Variants in CCDC150 observed in about 807,000 individuals in gnomAD.
CCDC150 encodes coiled-coil domain-containing protein 150.
A neutral mutation model predicts 156.5 loss-of-function variants in CCDC150; 151 were observed. That is an observed-to-expected ratio of 0.97 (90% confidence interval 0.85 to 1.10). CCDC150 has a LOEUF of 1.10. Among genes scored for constraint, CCDC150 ranks in the 50% least tolerant of loss-of-function variants. CCDC150 has a pLI of 0.00. For missense variants in CCDC150, 1,312 were observed against 1,268.1 expected, an observed-to-expected ratio of 1.03 and a Z score of -0.53; for synonymous variants, 452 against 429.4, an observed-to-expected ratio of 1.05 and a Z score of -0.65.
chr2:196,684,189 G>A (rs997508692), intron 13 of CCDC150, among the ~76,000 whole-genome samples: 3 of 152,058 alleles, frequency 2.0e-5, no homozygotes, highest in Non-Finnish European at 4.4e-5. Context: ...AGTTTCTGCA[G>A]CTATAAATTT....
chr2:196,677,363 T>G lies in CCDC150; in HGVS notation c.1509+2T>G, dbSNP rs567747022. 9.2e-6 allele frequency: 14 copies of G among 1,518,704 alleles called. No homozygotes were observed. Among genetic ancestry groups the G allele is most frequent in the Non-Finnish European group, 1.3e-5 (14 of 1,114,224 alleles). The allele number at this position is 1,518,704 out of a possible 1,614,324, so 94.1% of individuals were successfully genotyped here. The stretch of plus-strand genomic sequence containing the variant: ...GAAAAGGAATTAGCTAAAAACAAGG[T>G]ATTCTTCATTTTACTTACTGATATT... On this transcript the variant is annotated splice_donor_variant, in intron 13 of 27. Transcript: ENST00000389175. LOFTEE classifies it high-confidence loss of function.
intron 6 of CCDC150, among the ~76,000 whole-genome samples, chr2:196,665,889 T>C (rs929575565): frequency 6.6e-6 from 1 of 152,184 alleles, no homozygotes; most frequent in Non-Finnish European, 1.5e-5. Context: ...TTCAACACTC[T>C]TAATTTATGA....
chr2:196,712,015 ATTT>A (rs200886098), intron 15 of CCDC150, 127 bp from the exon 16 acceptor site: 1,242 of 267,162 alleles, frequency 4.6e-3, no homozygotes, highest in East Asian at 5.5e-3. Context: ...ATTCTCTGTA[ATTT>A]TTTTTTTTTT....
At chr2:196,715,308 T>C (rs1384418565) in intron 17 of CCDC150, among the ~76,000 whole-genome samples, 4 of 152,150 alleles carry the variant, frequency 2.6e-5, no homozygotes, top group African/African-American at 7.2e-5. Context: ...GCAATACTGC[T>C]TCAAGATATA....
intron 1 of CCDC150, among the ~76,000 whole-genome samples, chr2:196,641,658 G>A (rs1281337571): frequency 3.9e-5 from 6 of 152,082 alleles, no homozygotes; most frequent in African/African-American, 9.7e-5. Context: ...AGTTTTGTTC[G>A]TACTGTTCTA....
chr2:196,723,894 GC>G (rs1264835114), intron 21 of CCDC150, among the ~76,000 whole-genome samples: 1 of 152,210 alleles, frequency 6.6e-6, no homozygotes, highest in African/African-American at 2.4e-5. Context: ...TCAGATAGCA[GC>G]TCAAGAGCAT....
intron 1 of CCDC150, among the ~76,000 whole-genome samples, chr2:196,642,407 T>G (rs1490927149): frequency 6.6e-6 from 1 of 152,188 alleles, no homozygotes; most frequent in Non-Finnish European, 1.5e-5. Flanking sequence ...TACCACTGCT[T>G]TGGGCCTACC....
At chr2:196,711,604 TATC>T (rs1237232565) in intron 15 of CCDC150, among the ~76,000 whole-genome samples, 6 of 152,200 alleles carry the variant, frequency 3.9e-5, no homozygotes, top group African/African-American at 1.2e-4. Flanking sequence ...GACTTGTGAG[TATC>T]ATCTTTATGA....
intron 13 of CCDC150, among the ~76,000 whole-genome samples, chr2:196,691,522 G>T (rs1193014534): frequency 6.6e-6 from 1 of 152,032 alleles, no homozygotes; most frequent in Non-Finnish European, 1.5e-5. Context: ...ATTCTCTGAT[G>T]GTTGTTTGTA....
chr2:196,716,093 T>C (rs866098020), intron 17 of CCDC150, among the ~76,000 whole-genome samples: 2 of 152,352 alleles, frequency 1.3e-5, no homozygotes, highest in African/African-American at 4.8e-5. Flanking sequence ...GGTAAATAAG[T>C]GCTTGAAAAG....
chr2:196,684,604 A>AT (rs1201229274), intron 13 of CCDC150, among the ~76,000 whole-genome samples: 2 of 152,054 alleles, frequency 1.3e-5, no homozygotes, highest in Admixed American at 1.3e-4. Context: ...TTTCCGCATT[A>AT]ATCTTCTGTC....
intron 7 of CCDC150, chr2:196,667,715 G>C (rs1452551595): frequency 6.6e-6 from 1 of 152,212 alleles, no homozygotes; most frequent in East Asian, 1.9e-4. Flanking sequence ...TATGGCTGCT[G>C]TAATGGGGGC....
intron 13 of CCDC150, among the ~76,000 whole-genome samples, chr2:196,682,707 A>G (rs909696794): frequency 2.6e-5 from 4 of 152,114 alleles, no homozygotes; most frequent in African/African-American, 9.6e-5. Flanking sequence ...GTGTTGTGTT[A>G]TGATGTTGAT....
chr2:196,665,579 C>A lies in CCDC150; in HGVS notation c.658C>A (p.Leu220Met). The change falls in exon 6 of 28, where the codon CTG (leucine) becomes ATG (methionine). Residue 220 changes from leucine to methionine, a missense_variant. Leu to Met is a conservative substitution (Grantham distance 15, BLOSUM62 2). Coordinates refer to ENST00000389175, the MANE Select transcript of CCDC150 (RefSeq NM_001080539.2). ...NLKIQELRRQ[L>M]AQEKYLRESL... ...TGTTGCTTTGTAGCTAAGGAGACAA[C>A]TGGCTCAGGAGAAGTACCTTAGGGA... is the stretch of plus-strand genomic sequence containing the variant. The A allele has an allele frequency of 6.3e-7, 1 of 1,598,682 alleles. No homozygotes were observed. The highest frequency in any genetic ancestry group is 1.3e-5 in the African/African-American group (1 of 74,718).
chr2:196,701,534 A>G (rs1291283985), intron 15 of CCDC150, among the ~76,000 whole-genome samples: 2 of 152,198 alleles, frequency 1.3e-5, no homozygotes, highest in African/African-American at 4.8e-5. Flanking sequence ...CTCAGAGGCA[A>G]TTGAGTGAAT....
chr2:196,727,382 G>A (rs1270371837), intron 22 of CCDC150: 1 of 152,154 alleles, frequency 6.6e-6, no homozygotes, highest in East Asian at 1.9e-4. Context: ...CTCCAGCCTG[G>A]GCGACAGAGT....
chr2:196,654,922 CTG>C (rs1035222235), intron 2 of CCDC150, among the ~76,000 whole-genome samples: 9 of 152,178 alleles, frequency 5.9e-5, no homozygotes, highest in African/African-American at 1.7e-4. Context: ...TCTCAAATCT[CTG>C]TGTACAATCT....
At chr2:196,674,544 T>C (rs1217856551) in intron 10 of CCDC150, among the ~76,000 whole-genome samples, 196 bp downstream of exon 10, 1 of 152,160 alleles carries the variant, frequency 6.6e-6, no homozygotes, top group Non-Finnish European at 1.5e-5. Flanking sequence ...TTTCATGATT[T>C]CTTCTCAAAT....
At chr2:196,646,525 C>T in intron 2 of CCDC150, 21 bp downstream of exon 2, 2 of 1,602,004 alleles carry the variant, frequency 1.2e-6, no homozygotes, top group Non-Finnish European at 8.5e-7. Context: ...TGAACTACAT[C>T]TCTGTAGGTT....
Sources: allele counts gnomAD v4.1 joint callset (sites outside exome capture counted in the v4.1 genomes callset), GRCh38; gene constraint gnomAD v4.1.1; transcripts MANE v1.5; gene names NCBI Gene and HGNC (gene_info 2026-07-23, HGNC 2026-07-21).